The following ZNF385B variants were observed in gnomAD, a reference collection of about 807,000 sequenced individuals.
ZNF385B encodes zinc finger protein 533.
A neutral mutation model predicts 39.2 loss-of-function variants in ZNF385B; 23 were observed. The observed-to-expected ratio is 0.59, with a 90% CI of 0.42 to 0.83. The LOEUF is 0.83. ZNF385B is among the 40% of genes least tolerant of loss of function. The probability of loss-of-function intolerance (pLI) is 0.00; values close to 1 mark genes in which losing one functional copy is unlikely to be tolerated. For missense variants in ZNF385B, 552 were observed against 598.9 expected, an observed-to-expected ratio of 0.92 and a Z score of 0.82; for synonymous variants, 205 against 222.6, an observed-to-expected ratio of 0.92 and a Z score of 0.70.
chr2:179,642,722 C>G (rs1371302128), intron 3 of ZNF385B, among the ~76,000 whole-genome samples: 1 of 152,172 alleles, frequency 6.6e-6, no homozygotes, highest in African/African-American at 2.4e-5. Context: ...AAAGGCAGAG[C>G]TGCCAACCTA....
intron 3 of ZNF385B, among the ~76,000 whole-genome samples, chr2:179,688,825 A>T (rs1217646046): frequency 6.6e-6 from 1 of 152,166 alleles, no homozygotes; most frequent in Non-Finnish European, 1.5e-5. Context: ...CCCAACCCCT[A>T]CCAATTGCCC....
At chr2:179,711,999 T>C (rs1310308372) in intron 3 of ZNF385B, among the ~76,000 whole-genome samples, 1 of 151,672 alleles carries the variant, frequency 6.6e-6, no homozygotes, top group Admixed American at 6.6e-5. Flanking sequence ...TTGCCGGCTC[T>C]GGGTCCCTTC....
chr2:179,698,153 A>G (rs1313953976), intron 3 of ZNF385B, among the ~76,000 whole-genome samples: 4 of 149,854 alleles, frequency 2.7e-5, no homozygotes, highest in Non-Finnish European at 5.9e-5. Context: ...CACGTTGTGC[A>G]CATGTACTGT....
chr2:179,609,496 G>C (rs545884164), intron 3 of ZNF385B, among the ~76,000 whole-genome samples: 5 of 152,120 alleles, frequency 3.3e-5, no homozygotes, highest in African/African-American at 1.2e-4. Flanking sequence ...ACTTAGGTTG[G>C]TTCCAAATCT....
At chr2:179,638,200 C>T (rs1034301732) in intron 3 of ZNF385B, among the ~76,000 whole-genome samples, 4 of 151,780 alleles carry the variant, frequency 2.6e-5, no homozygotes, top group Admixed American at 2.6e-4. Context: ...TGTTGAGTGT[C>T]GATCTCACAT....
At chr2:179,648,320 A>G (rs192872321) in intron 3 of ZNF385B, among the ~76,000 whole-genome samples, 341 of 152,266 alleles carry the variant, frequency 2.2e-3, no homozygotes, top group Non-Finnish European at 3.9e-3. Flanking sequence ...TCATAAATAT[A>G]TTAGGATAAT....
At chr2:179,766,292 A>T (rs985943692) in intron 3 of ZNF385B, among the ~76,000 whole-genome samples, 1 of 151,934 alleles carries the variant, frequency 6.6e-6, no homozygotes, top group African/African-American at 2.4e-5. Context: ...AGGGGAAGTC[A>T]CCTCTTAAAT....
chr2:179,672,354 T>C (rs1696132470), intron 3 of ZNF385B, among the ~76,000 whole-genome samples: 1 of 152,238 alleles, frequency 6.6e-6, no homozygotes, highest in African/African-American at 2.4e-5. Context: ...AAATCATACC[T>C]TAAGTCTCAC....
chr2:179,617,910 C>G (rs1011728804), intron 3 of ZNF385B, among the ~76,000 whole-genome samples: 1 of 152,096 alleles, frequency 6.6e-6, no homozygotes, highest in African/African-American at 2.4e-5. Context: ...CTTGATCCCC[C>G]TAAATAGGGA....
chr2:179,557,451 G>A (rs897486616), intron 3 of ZNF385B, among the ~76,000 whole-genome samples: 8 of 151,524 alleles, frequency 5.3e-5, no homozygotes, highest in Non-Finnish European at 1.2e-4. Context: ...GCACAAGATT[G>A]ATTATAACAG....
At chr2:179,698,699 G>A (rs1026079297) in intron 3 of ZNF385B, among the ~76,000 whole-genome samples, 8 of 152,214 alleles carry the variant, frequency 5.3e-5, no homozygotes, top group African/African-American at 1.9e-4. Context: ...ACTTTATTCT[G>A]CACATAATAC....
At chr2:179,786,072 GGTAAAA>G (rs1407434361) in intron 1 of ZNF385B, among the ~76,000 whole-genome samples, 1 of 152,092 alleles carries the variant, frequency 6.6e-6, no homozygotes, top group African/African-American at 2.4e-5. Context: ...TCAACACTGA[GGTAAAA>G]CCCTCCACCA....
chr2:179,726,103 A>C (rs1701003322), intron 3 of ZNF385B, among the ~76,000 whole-genome samples: 1 of 151,904 alleles, frequency 6.6e-6, no homozygotes, highest in African/African-American at 2.4e-5. Flanking sequence ...TGTCATTTCA[A>C]ACTTTCTCTC....
intron 3 of ZNF385B, among the ~76,000 whole-genome samples, chr2:179,756,409 A>T (rs1312650720): frequency 1.3e-5 from 2 of 152,102 alleles, no homozygotes; most frequent in Non-Finnish European, 2.9e-5. Flanking sequence ...GCTGCCCTTA[A>T]CATTTTTTCC....
chr2:179,814,580 G>A (rs1575540931), intron 1 of ZNF385B: 2 of 735,872 alleles, frequency 2.7e-6, no homozygotes, highest in Middle Eastern at 2.8e-4. Context: ...ACAAGCAGGA[G>A]ATGGTCGACA....
chr2:179,847,660 C>T (rs1192718011), intron 1 of ZNF385B, among the ~76,000 whole-genome samples: 1 of 152,104 alleles, frequency 6.6e-6, no homozygotes, highest in Non-Finnish European at 1.5e-5. Flanking sequence ...TGCCATTGGA[C>T]CAAAGCAACG....
intron 6 of ZNF385B, among the ~76,000 whole-genome samples, chr2:179,468,519 T>C (rs2052370783): frequency 6.6e-6 from 1 of 151,944 alleles, no homozygotes; most frequent in East Asian, 1.9e-4. Flanking sequence ...ATTCAAAAGC[T>C]GGGAGTAAGA....
chr2:179,709,657 C>T (rs1452122455), intron 3 of ZNF385B, among the ~76,000 whole-genome samples: 1 of 152,298 alleles, frequency 6.6e-6, no homozygotes, highest in South Asian at 2.1e-4. Context: ...CAGTGAAGAA[C>T]TGGGGCCTGC....
At chr2:179,810,647 A>T (rs906264768) in intron 1 of ZNF385B, among the ~76,000 whole-genome samples, 1 of 152,064 alleles carries the variant, frequency 6.6e-6, no homozygotes, top group African/African-American at 2.4e-5. Context: ...CTATTAAAAT[A>T]TCTTATTCTA....
Sources: gnomAD v4.1 joint callset for allele counts (sites outside exome capture counted in the v4.1 genomes callset) on GRCh38, gnomAD v4.1.1 for gene constraint, MANE v1.5 for transcripts, NCBI Gene and HGNC (gene_info 2026-07-23, HGNC 2026-07-21) for gene names.